DCDC1: variants seen among roughly 807,000 people sequenced by gnomAD.
DCDC1 encodes doublecortin domain containing 1.
DCDC1 carries 200 observed loss-of-function variants against 178.3 expected under a neutral mutation model. The ratio of observed to expected loss-of-function variants is 1.12; its 90% confidence interval spans 1.00 to 1.26. The LOEUF is 1.26. Ranked by LOEUF, DCDC1 falls within the 50% of genes most tolerant of loss-of-function variation. DCDC1 has a pLI of 0.00. For missense variants in DCDC1, 1,983 were observed against 1,749.2 expected (o/e 1.13, Z -2.38); for synonymous variants, 690 against 604.8 (o/e 1.14, Z -2.07).
rs1940825352 is a variant in DCDC1 at position 30,864,355 on chromosome 11, A to G, written c.*1018T>C. ...CATCAAAGATATATTTTAAGGATAT[A>G]AGATGTCTAGTTTATACCATGACAT... On this transcript the variant is annotated 3_prime_UTR_variant, in exon 39 of 39. Transcript: ENST00000684477. 1 of 152,248 alleles carries G rather than the reference A, an allele frequency of 6.6e-6. No homozygotes were observed. The allele number at this position is 152,248 out of a possible 1,614,324, so 9.4% of individuals were successfully genotyped here. A position where few individuals can be genotyped will look rare whatever the true frequency, so the allele number is the denominator to read the frequency against.
chr11:31,265,533 C>A lies in DCDC1; in HGVS notation c.1028G>T (p.Gly343Val). ...TTTTGAAATATCTTCAATTTTTCTGCCATACAAATCATAAAAATATCTGGC... is the reference window on the plus strand; with the variant it reads ...TTTTGAAATATCTTCAATTTTTCTGACATACAAATCATAAAAATATCTGGC... ...LPARYFYDLY[G>V]RKIEDISKVP... Residue 343 changes from glycine (G) to valine (V), a missense_variant, in exon 8 of 39, where the codon GGC becomes GTC. By Grantham distance (109) the Gly-to-Val change is moderately radical. Coordinates refer to ENST00000684477, the MANE Select transcript of DCDC1 (RefSeq NM_001387274.1). 2 of 1,437,020 alleles carry A rather than the reference C, an allele frequency of 1.4e-6. No homozygotes were observed. Among genetic ancestry groups the A allele is most frequent in the South Asian group, 3.3e-5 (2 of 60,502 alleles). The allele number at this position is 1,437,020 out of a possible 1,614,324, so 89.0% of individuals were successfully genotyped here.
intron 20 of DCDC1, among the ~76,000 whole-genome samples, chr11:30,961,373 A>G (rs537101771): frequency 6.6e-6 from 1 of 152,238 alleles, no homozygotes; most frequent in East Asian, 1.9e-4. Context: ...ATTAGACAAT[A>G]TATCATTTGG....
rs762815244 is a variant in DCDC1 at position 30,881,167 on chromosome 11, T to C, written c.5224A>G (p.Thr1742Ala). 6.2e-7 allele frequency: 1 copy of C among 1,612,958 alleles called. No homozygotes were observed. The highest frequency in any genetic ancestry group is 8.5e-7 in the Non-Finnish European group (1 of 1,179,416). ...AAACTATCATGCATACCTTTTGGGG[T>C]TTTGAAACCATGTCCCATAGACACA... ...ICVSMGHGFK[T>A]PKELKQLMEI... is the part of the protein sequence containing the mutation. The change falls in exon 37 of 39, where the codon ACC becomes GCC. Residue 1742 changes from threonine (T) to alanine (A), a missense_variant. By Grantham distance (58) the Thr-to-Ala change is moderately conservative (BLOSUM62 0). Transcript: ENST00000684477.
intron 32 of DCDC1, among the ~76,000 whole-genome samples, 151 bp from the exon 33 acceptor site, chr11:30,900,649 T>G (rs1944592122): frequency 6.6e-6 from 1 of 152,138 alleles, no homozygotes; most frequent in Non-Finnish European, 1.5e-5. Flanking sequence ...ATGCATAATT[T>G]TGGTCAGAAA....
intron 9 of DCDC1, among the ~76,000 whole-genome samples, chr11:31,185,426 A>G (rs1359799670): frequency 6.6e-6 from 1 of 151,990 alleles, no homozygotes; most frequent in Non-Finnish European, 1.5e-5. Flanking sequence ...AAAATAAATA[A>G]ATAAAATAAA....
chr11:31,341,643 T>A (rs1486652335), intron 1 of DCDC1, among the ~76,000 whole-genome samples: 2 of 152,084 alleles, frequency 1.3e-5, no homozygotes, highest in Non-Finnish European at 2.9e-5. Flanking sequence ...AACACTATAG[T>A]AAGTATTTGT....
At chr11:31,262,806 T>A (rs1944883164) in intron 8 of DCDC1, 1 of 369,048 alleles carries the variant, frequency 2.7e-6, no homozygotes, top group Admixed American at 4.5e-5. Flanking sequence ...TAATGTTAAG[T>A]GACTAGGGTG....
chr11:31,053,162 T>C (rs1955367556), intron 20 of DCDC1, among the ~76,000 whole-genome samples: 1 of 152,058 alleles, frequency 6.6e-6, no homozygotes, highest in Admixed American at 6.6e-5. Context: ...TTACAACTGA[T>C]ACCACTGAAA....
At chr11:31,115,996 T>TGGGGGGGGGGG (rs1555066794) in intron 11 of DCDC1, among the ~76,000 whole-genome samples, 5 of 45,018 alleles carry the variant, frequency 1.1e-4, no homozygotes, top group African/African-American at 3.6e-4. Flanking sequence ...GGGGGGGGGA[T>TGGGGGGGGGGG]GGGTATCTCA....
At chr11:31,116,177 A>G (rs1358365929) in intron 11 of DCDC1, among the ~76,000 whole-genome samples, 5 of 152,048 alleles carry the variant, frequency 3.3e-5, no homozygotes, top group African/African-American at 7.2e-5. Context: ...ATCTACTCAT[A>G]AGGGGCAGGG....
At chr11:31,202,865 A>G (rs1971456913) in intron 9 of DCDC1, among the ~76,000 whole-genome samples, 1 of 152,138 alleles carries the variant, frequency 6.6e-6, no homozygotes, top group Non-Finnish European at 1.5e-5. Flanking sequence ...AATAAAACCC[A>G]GCAGCTGACC....
intron 21 of DCDC1, among the ~76,000 whole-genome samples, chr11:30,938,090 C>T (rs1230656784): frequency 1.3e-5 from 2 of 152,042 alleles, no homozygotes; most frequent in East Asian, 3.9e-4. Flanking sequence ...CCAACCTCTC[C>T]ACATCCTCTC....
chr11:31,123,921 C>T (rs1172905700), intron 11 of DCDC1, among the ~76,000 whole-genome samples: 1 of 151,872 alleles, frequency 6.6e-6, no homozygotes, highest in Non-Finnish European at 1.5e-5. Context: ...ATTTAAGTAG[C>T]CATATGTGAC....
intron 20 of DCDC1, among the ~76,000 whole-genome samples, chr11:31,027,634 G>A (rs1007507120): frequency 4.0e-5 from 6 of 151,684 alleles, no homozygotes; most frequent in Middle Eastern, 3.4e-3. Flanking sequence ...TTAATCGTGT[G>A]TACAATCAGG....
At chr11:31,023,498 C>A (rs992737747) in intron 20 of DCDC1, among the ~76,000 whole-genome samples, 1 of 151,634 alleles carries the variant, frequency 6.6e-6, no homozygotes, top group African/African-American at 2.4e-5. Context: ...GAGGGAAGGG[C>A]AGAGTTGAAA....
At chr11:31,239,907 C>T (rs552508227) in intron 9 of DCDC1, among the ~76,000 whole-genome samples, 4 of 151,652 alleles carry the variant, frequency 2.6e-5, no homozygotes, top group South Asian at 4.2e-4. Flanking sequence ...GCAATTTATA[C>T]TTCTTTAAAT....
At chr11:31,113,827 C>T (rs1959405931) in intron 11 of DCDC1, among the ~76,000 whole-genome samples, 1 of 152,132 alleles carries the variant, frequency 6.6e-6, no homozygotes, top group Admixed American at 6.6e-5. Flanking sequence ...TTTGGCAACA[C>T]AATTTCATTG....
intron 9 of DCDC1, among the ~76,000 whole-genome samples, chr11:31,143,844 G>A (rs909480814): frequency 2.6e-5 from 4 of 152,146 alleles, no homozygotes; most frequent in Non-Finnish European, 4.4e-5. Context: ...CTAAGACATT[G>A]AGCAATAGTG....
At chr11:31,110,992 C>T (rs1959165123) in intron 11 of DCDC1, among the ~76,000 whole-genome samples, 1 of 150,192 alleles carries the variant, frequency 6.7e-6, no homozygotes, top group Non-Finnish European at 1.5e-5. Context: ...AAAAAAAATG[C>T]TAGCAAACAT....
Sources: allele counts gnomAD v4.1 joint callset (sites outside exome capture counted in the v4.1 genomes callset), GRCh38; gene constraint gnomAD v4.1.1; transcripts MANE v1.5; gene names NCBI Gene and HGNC (gene_info 2026-07-23, HGNC 2026-07-21).